The following NLRP3 variants were observed in gnomAD, a reference collection of about 807,000 sequenced individuals.
The protein encoded by NLRP3 is NLR family pyrin domain containing 3.
In NLRP3, 48 loss-of-function variants were observed where a neutral mutation model predicts 91.3. That is an observed-to-expected ratio of 0.53 (90% CI 0.42 to 0.67). The LOEUF (loss-of-function observed/expected upper bound fraction) is 0.67, where lower values mean the gene tolerates loss of function less well. Among genes scored for constraint, NLRP3 ranks in the 30% least tolerant of loss-of-function variants. The pLI, the probability that NLRP3 is intolerant of heterozygous loss-of-function variation, is 0.00. For synonymous variants in NLRP3, 561 were observed against 507.9 expected, an observed-to-expected ratio of 1.10 and a Z score of -1.41; for missense variants, 982 against 1,276.9, an observed-to-expected ratio of 0.77 and a Z score of 3.52.
At position 247,424,145 on chromosome 1, in the gene NLRP3, C is replaced by A. The variant is rs746712429; in HGVS notation, c.696C>A (p.Ile232=). The A allele has an allele frequency of 5.0e-6, 8 of 1,613,982 alleles. No homozygotes were observed. The highest frequency in any genetic ancestry group is 5.9e-6 in the Non-Finnish European group (7 of 1,180,034). ...FQGAAGIGKT[I]LARKMMLDWA... Reference sequence around the variant, plus strand: ...GGGCGGCAGGGATTGGGAAAACAATCCTGGCCAGGAAGATGATGTTGGACT... The same window carrying A: ...GGGCGGCAGGGATTGGGAAAACAATACTGGCCAGGAAGATGATGTTGGACT... Residue 232 remains isoleucine, a synonymous_variant, in exon 4 of 10, where the codon ATC becomes ATA. Coordinates refer to ENST00000336119, the MANE Select transcript of NLRP3 (RefSeq NM_001243133.2). The surrounding 1 kb of genome is among the most constrained non-coding windows in gnomAD (Gnocchi z 8.1).
chr1:247,430,259 C>T (rs993415553), intron 5 of NLRP3, among the ~76,000 whole-genome samples: 2 of 152,098 alleles, frequency 1.3e-5, no homozygotes, highest in African/African-American at 4.8e-5. Flanking sequence ...GTTCTGAGGC[C>T]GAAAGTCTAA....
chr1:247,429,660 T>C lies in NLRP3; in HGVS notation c.2226T>C (p.Thr742=). 6.2e-7 allele frequency: 1 copy of C among 1,614,204 alleles called. No homozygotes were observed. The highest frequency in any genetic ancestry group is 8.5e-7 in the Non-Finnish European group (1 of 1,180,034). ...TTCTGAGCACCAGCCAGAGTCTAAC[T>C]GAATTGGACCTCAGTGACAATTCTC... ...FSVLSTSQSL[T]ELDLSDNSLG... The change falls in exon 5 of 10, where the codon ACT becomes ACC. Residue 742 remains threonine, a synonymous_variant. Transcript: ENST00000336119.
chr1:247,423,217 T>G lies in NLRP3; in HGVS notation c.278-13T>G, dbSNP rs1359541876. The G allele has an allele frequency of 6.2e-7, 1 of 1,613,952 alleles. No homozygotes were observed. The highest frequency in any genetic ancestry group is 1.3e-5 in the African/African-American group (1 of 74,918). ...ATAGTTCTGGGTTTTGACACCTTTTTTTTCCCTTTTAGGTTCAGATAATGC... is the reference window on the plus strand; with the variant it reads ...ATAGTTCTGGGTTTTGACACCTTTTGTTTCCCTTTTAGGTTCAGATAATGC... On this transcript the variant is annotated splice_polypyrimidine_tract_variant and intron_variant, in intron 2 of 9. Coordinates refer to ENST00000336119, the MANE Select transcript of NLRP3 (RefSeq NM_001243133.2).
intron 5 of NLRP3, among the ~76,000 whole-genome samples, chr1:247,431,834 G>A (rs1174890168): frequency 6.6e-6 from 1 of 152,176 alleles, no homozygotes; most frequent in Non-Finnish European, 1.5e-5. Context: ...GATGTAGGGG[G>A]CGCAAGAGCA....
rs1172036975 is a variant in NLRP3, at chr1:247,434,215, G to A, written c.2434G>A (p.Gly812Arg). 9 of 1,614,106 alleles carry A rather than the reference G, an allele frequency of 5.6e-6. No homozygotes were observed. The highest frequency in any genetic ancestry group is 5.0e-5 in the Admixed American group (3 of 60,006). Residue 812 changes from glycine (G) to arginine (R), a missense_variant, in exon 6 of 10, where the codon GGA becomes AGA. Gly to Arg is a moderately radical substitution (Grantham distance 125). Transcript: ENST00000336119. ...GAGTGACAACGCCCTCGGTGACTTC[G>A]GAATCAGACTTCTGTGTGTGGGACT... ...DLSDNALGDF[G>R]IRLLCVGLKH...
At chr1:247,421,952 C>G (rs557310125) in intron 2 of NLRP3, among the ~76,000 whole-genome samples, 2 of 152,070 alleles carry the variant, frequency 1.3e-5, no homozygotes, top group East Asian at 3.9e-4. Flanking sequence ...TGAGCTATGA[C>G]CATGCCACTG....
intron 2 of NLRP3, among the ~76,000 whole-genome samples, chr1:247,420,464 A>G (rs2103090843): frequency 1.3e-5 from 2 of 151,766 alleles, no homozygotes; most frequent in Middle Eastern, 6.8e-3. Flanking sequence ...CTGTAATTCC[A>G]GCACTTTGTG....
At chr1:247,434,296 A>G (rs1199437649) in intron 6 of NLRP3, 23 bp downstream of exon 6, 1 of 1,613,692 alleles carries the variant, frequency 6.2e-7, no homozygotes, top group African/African-American at 1.3e-5. Context: ...CGTTCCCCTA[A>G]GGAAGTTCTG....
chr1:247,433,515 A>C (rs1385214056), intron 5 of NLRP3, among the ~76,000 whole-genome samples: 1 of 152,222 alleles, frequency 6.6e-6, no homozygotes, highest in Non-Finnish European at 1.5e-5. Context: ...GAGTTCACTG[A>C]CAGGTGATCC....
rs121908147 is a variant in NLRP3, at chr1:247,424,041, G to C, written c.592G>C (p.Val198Leu). Residue 198 changes from valine (V) to leucine (L), a missense_variant, in exon 4 of 10, where the codon GTG becomes CTG. By Grantham distance (32) the Val-to-Leu change is conservative. This residue lies in a region of NLRP3 where 548 missense variants were observed against 713.7 expected (regional missense o/e 0.77). Coordinates refer to ENST00000336119, the MANE Select transcript of NLRP3 (RefSeq NM_001243133.2). The surrounding 1 kb of genome is among the most constrained non-coding windows in gnomAD (Gnocchi z 8.1). ...CAAGACCAAGACGTGTGAGAGCCCC[G>C]TGAGTCCCATTAAGATGGAGTTGCT... Reference protein sequence around the residue: ...IGKTKTCESPVSPIKMELLFD... With the variant: ...IGKTKTCESPLSPIKMELLFD... 1.9e-6 allele frequency: 3 copies of C among 1,613,906 alleles called. No individual in the cohort carries two copies. The highest frequency in any genetic ancestry group is 2.5e-6 in the Non-Finnish European group (3 of 1,180,012).
At chr1:247,430,960 G>A (rs1385432490) in intron 5 of NLRP3, among the ~76,000 whole-genome samples, 2 of 151,534 alleles carry the variant, frequency 1.3e-5, no homozygotes, top group Non-Finnish European at 2.9e-5. Context: ...GTAGAGATGT[G>A]GTCTCATCAC....
At chr1:247,445,103 T>A (rs1157008789) in intron 9 of NLRP3, among the ~76,000 whole-genome samples, 1 of 152,214 alleles carries the variant, frequency 6.6e-6, no homozygotes, top group African/African-American at 2.4e-5. Flanking sequence ...AGGATTCTGT[T>A]CTACACAAGG....
chr1:247,426,475 A>C (rs1465357781), intron 4 of NLRP3, among the ~76,000 whole-genome samples: 1 of 152,218 alleles, frequency 6.6e-6, no homozygotes, highest in Non-Finnish European at 1.5e-5. Flanking sequence ...GTGTGAGTTT[A>C]GCCTGGATAG....
At position 247,444,116 on chromosome 1, in the gene NLRP3, C is replaced by T. The variant is rs757652727; in HGVS notation, c.2808C>T (p.His936=). 14 of 1,614,046 alleles carry T rather than the reference C, an allele frequency of 8.7e-6. No individual in the cohort carries two copies. Among genetic ancestry groups the T allele is most frequent in the African/African-American group, 6.7e-5 (5 of 74,926 alleles). The change falls in exon 8 of 10, where the codon CAC becomes CAT. Residue 936 remains histidine, a synonymous_variant. Coordinates refer to ENST00000336119, the MANE Select transcript of NLRP3 (RefSeq NM_001243133.2). ...GIKLLCEGLL[H]PDCKLQVLEL... ...AACTACTCTGTGAGGGACTCTTGCA[C>T]CCCGACTGCAAGCTTCAGGTGTTGG...
At chr1:247,433,422 G>A (rs905874029) in intron 5 of NLRP3, among the ~76,000 whole-genome samples, 1 of 152,158 alleles carries the variant, frequency 6.6e-6, no homozygotes, top group African/African-American at 2.4e-5. Flanking sequence ...GGCCCACACC[G>A]CCCGCTTCAC....
intron 9 of NLRP3, among the ~76,000 whole-genome samples, chr1:247,448,188 T>C (rs1426142790): frequency 6.6e-6 from 1 of 150,382 alleles, no homozygotes; most frequent in African/African-American, 2.5e-5. Context: ...TTGAAGAAGG[T>C]GCGGAGTCTC....
chr1:247,425,581 A>C lies in NLRP3; in HGVS notation c.2132A>C (p.His711Pro), dbSNP rs767805817. 3 of 1,607,406 alleles carry C rather than the reference A, an allele frequency of 1.9e-6. No individual in the cohort carries two copies. The highest frequency in any genetic ancestry group is 2.5e-6 in the Non-Finnish European group (3 of 1,179,996). The stretch of plus-strand genomic sequence containing the variant: ...CAGTGTGTCCTCCCAAGCTCCTCTC[A>C]TGCTGCCTGTTCTCATGGGTAAGGA... ...MVQCVLPSSSHAACSHGLVNS... is the reference protein window; with the variant it reads ...MVQCVLPSSSPAACSHGLVNS... Residue 711 changes from histidine to proline, a missense_variant, in exon 4 of 10, where the codon CAT (histidine) becomes CCT (proline). This residue lies in a region of NLRP3 where 373 missense variants were observed against 431.5 expected (regional missense o/e 0.86). Coordinates refer to ENST00000336119, the MANE Select transcript of NLRP3 (RefSeq NM_001243133.2). This position sits in a 1 kb window ranked among gnomAD's most constrained non-coding sequence, Gnocchi z 4.1.
At chr1:247,444,231 T>C in intron 8 of NLRP3, 89 bp downstream of exon 8, 3 of 1,340,236 alleles carry the variant, frequency 2.2e-6, no homozygotes, top group Non-Finnish European at 3.2e-6. Context: ...AGATAATCTG[T>C]ATCTTAGAAG....
At position 247,441,491 on chromosome 1, in the gene NLRP3, G is replaced by C. The variant is rs1028475000; in HGVS notation, c.2664-2481G>C. Among the ~76,000 whole-genome samples, 6 of 152,106 alleles carry C rather than the reference G, an allele frequency of 3.9e-5. No homozygotes were observed. In the East Asian group the frequency reaches 1.2e-3, roughly 29 times the overall value. On this transcript the variant is annotated intron_variant, in intron 7 of 9. Coordinates refer to ENST00000336119, the MANE Select transcript of NLRP3 (RefSeq NM_001243133.2). ...TGGTCTCAAACTCCTGGCCTCAAGT[G>C]GTCCTCCCACCTTGGCCTCCCAAAG...
Sources: gnomAD v4.1 joint callset for allele counts (sites outside exome capture counted in the v4.1 genomes callset) on GRCh38, gnomAD v4.1.1 for gene constraint, gnomAD v4.1.1 regional missense constraint, Gnocchi (gnomAD v3.1) non-coding constraint, MANE v1.5 for transcripts, NCBI Gene and HGNC (gene_info 2026-07-23, HGNC 2026-07-21) for gene names.